The following PTP4A1 variants were observed in gnomAD, a reference collection of about 807,000 sequenced individuals.
PTP4A1 encodes protein tyrosine phosphatase type IVA 1.
In PTP4A1, 9 loss-of-function variants were observed where a neutral mutation model predicts 20.5. The ratio of observed to expected loss-of-function variants is 0.44; its 90% CI spans 0.26 to 0.77. The LOEUF (loss-of-function observed/expected upper bound fraction) is 0.77, where lower values mean the gene tolerates loss of function less well. PTP4A1 is among the 30% of genes least tolerant of loss of function. The pLI is 0.19. For synonymous variants in PTP4A1, 78 were observed against 67.4 expected (o/e 1.16, Z -0.77); for missense variants, 137 against 218.8 (o/e 0.63, Z 2.36).
At chr6:63,531,484 A>T (rs954960855) in intron 2 of PTP4A1, among the ~76,000 whole-genome samples, 6 of 149,898 alleles carry the variant, frequency 4.0e-5, no homozygotes, top group Middle Eastern at 3.4e-3. Context: ...TAATATTTGT[A>T]TTAAGTTCCT....
intron 3 of PTP4A1, among the ~76,000 whole-genome samples, chr6:63,557,726 A>G (rs1055636110): frequency 6.6e-6 from 1 of 152,138 alleles, no homozygotes; most frequent in Admixed American, 6.5e-5. Flanking sequence ...AGCATAATGG[A>G]GTGGAGCACG....
upstream of PTP4A1, among the ~76,000 whole-genome samples, chr6:63,520,252 A>G (rs1239431025): frequency 6.6e-6 from 1 of 152,200 alleles, no homozygotes; most frequent in African/African-American, 2.4e-5. Context: ...TTATCTTTAA[A>G]TGTTGTGATA....
Position 63,580,113 on chromosome 6 carries a change from C to G in PTP4A1, c.461C>G (p.Pro154Arg), listed in dbSNP as rs1418449424. The G allele has an allele frequency of 6.2e-7, 1 of 1,613,412 alleles. No individual in the cohort carries two copies. The highest frequency in any genetic ancestry group is 1.1e-5 in the South Asian group (1 of 91,050). The change falls in exon 6 of 6, where the codon CCT becomes CGT. Residue 154 changes from proline to arginine, a missense_variant. By Grantham distance (103) the Pro-to-Arg change is moderately radical. Transcript: ENST00000626021. ...KQLLYLEKYR[P>R]KMRLRFKDSN... The stretch of plus-strand genomic sequence containing the variant: ...CTTCTGTATTTGGAGAAGTATCGTC[C>G]TAAAATGCGGCTGCGTTTCAAAGAT...
At position 63,576,994 on chromosome 6, in the gene PTP4A1, T is replaced by A. The variant is rs1777906219; in HGVS notation, c.105+9T>A. 6.3e-7 allele frequency: 1 copy of A among 1,595,516 alleles called. No homozygotes were observed. The highest frequency in any genetic ancestry group is 2.2e-5 in the East Asian group (1 of 44,756). On this transcript the variant is annotated intron_variant, in intron 2 of 5. Transcript: ENST00000626021. ...TAAACAAATTTATAGAGGTAAGATT[T>A]GATATGTTTTAGTAGCTTAAATTGA... is the stretch of plus-strand genomic sequence containing the variant.
At chr6:63,519,679 G>A (rs1279655689), upstream of PTP4A1, among the ~76,000 whole-genome samples, 2 of 152,164 alleles carry the variant, frequency 1.3e-5, no homozygotes, top group Non-Finnish European at 2.9e-5. Flanking sequence ...TGAAATACAG[G>A]TCAGTCTACT....
intron 2 of PTP4A1, among the ~76,000 whole-genome samples, chr6:63,547,162 G>A (rs1776227494): frequency 6.6e-6 from 1 of 150,978 alleles, no homozygotes; most frequent in Non-Finnish European, 1.5e-5. Flanking sequence ...CAGGAGTTCA[G>A]AAGTTTACAG....
chr6:63,547,802 C>T (rs1445279201), intron 2 of PTP4A1, among the ~76,000 whole-genome samples: 1 of 152,034 alleles, frequency 6.6e-6, no homozygotes, highest in Non-Finnish European at 1.5e-5. Context: ...TGAGCCACTG[C>T]GCCCGGCCCA....
chr6:63,539,667 G>T (rs532225691), intron 2 of PTP4A1, among the ~76,000 whole-genome samples: 50 of 152,220 alleles, frequency 3.3e-4, no homozygotes, highest in African/African-American at 1.2e-3. Flanking sequence ...TACTCAGGAG[G>T]CTGAGGCAGG....
At chr6:63,577,392 C>T (rs1018153447) in intron 2 of PTP4A1, among the ~76,000 whole-genome samples, 2 of 152,154 alleles carry the variant, frequency 1.3e-5, no homozygotes, top group Non-Finnish European at 2.9e-5. Context: ...AAATTCTGTT[C>T]CTTCCTAATG....
intron 1 of PTP4A1, among the ~76,000 whole-genome samples, chr6:63,524,741 G>A (rs1473271675): frequency 6.6e-6 from 1 of 152,098 alleles, no homozygotes; most frequent in Non-Finnish European, 1.5e-5. Context: ...ACAAGTTCAT[G>A]TGAAAAACCT....
chr6:63,517,785 C>A (rs1486969376), upstream of PTP4A1, among the ~76,000 whole-genome samples: 7 of 152,166 alleles, frequency 4.6e-5, no homozygotes, highest in Non-Finnish European at 1.0e-4. Flanking sequence ...CAAACACAGA[C>A]TATGTCCAAA....
intron 2 of PTP4A1, among the ~76,000 whole-genome samples, chr6:63,535,783 A>G (rs910643596): frequency 2.0e-5 from 3 of 152,162 alleles, no homozygotes; most frequent in Admixed American, 6.5e-5. Flanking sequence ...TTAAAAATCA[A>G]TAGCTATATT....
intron 3 of PTP4A1, among the ~76,000 whole-genome samples, chr6:63,563,422 A>G (rs1249328058): frequency 6.6e-6 from 1 of 152,046 alleles, no homozygotes; most frequent in Non-Finnish European, 1.5e-5. Flanking sequence ...CACCAAAAAT[A>G]TCTCTCTTCC....
chr6:63,547,767 TCC>T (rs1409698922), intron 2 of PTP4A1, among the ~76,000 whole-genome samples: 1 of 151,502 alleles, frequency 6.6e-6, no homozygotes, highest in Non-Finnish European at 1.5e-5. Context: ...CCCCTCGGCC[TCC>T]CAAAGTGCTG....
intron 5 of PTP4A1, among the ~76,000 whole-genome samples, 180 bp downstream of exon 5, chr6:63,579,511 G>T (rs1200301808): frequency 1.3e-5 from 2 of 152,156 alleles, no homozygotes; most frequent in Non-Finnish European, 2.9e-5. Context: ...ATATTACTAA[G>T]ATTCTAATCC....
chr6:63,531,066 T>C (rs548564102), intron 2 of PTP4A1, among the ~76,000 whole-genome samples: 1 of 152,342 alleles, frequency 6.6e-6, no homozygotes, highest in Non-Finnish European at 1.5e-5. Context: ...ACTAGAGAAC[T>C]TCTATATTGT....
intron 2 of PTP4A1, among the ~76,000 whole-genome samples, chr6:63,538,647 TTTC>T (rs1775821226): frequency 6.6e-6 from 1 of 152,052 alleles, no homozygotes; most frequent in Non-Finnish European, 1.5e-5. Context: ...CAAAAGAGAT[TTTC>T]TTATTTTTTA....
At chr6:63,549,091 C>A in intron 2 of PTP4A1, 1 of 708,460 alleles carries the variant, frequency 1.4e-6, no homozygotes. Flanking sequence ...ATGGTGTTAA[C>A]TCCTGCTCGA....
intron 2 of PTP4A1, among the ~76,000 whole-genome samples, chr6:63,542,633 C>G (rs759862569): frequency 6.6e-6 from 1 of 152,240 alleles, no homozygotes; most frequent in East Asian, 1.9e-4. Flanking sequence ...CTCCTTGGCG[C>G]TTCACATAGT....
Sources: allele counts gnomAD v4.1 joint callset (sites outside exome capture counted in the v4.1 genomes callset), GRCh38; gene constraint gnomAD v4.1.1; transcripts MANE v1.5; gene names NCBI Gene and HGNC (gene_info 2026-07-23, HGNC 2026-07-21).